BAZ2A: variants seen among roughly 807,000 people sequenced by gnomAD.
The protein encoded by BAZ2A is bromodomain adjacent to zinc finger domain 2A.
A neutral mutation model predicts 199.9 loss-of-function variants in BAZ2A; 34 were observed. The ratio of observed to expected loss-of-function variants is 0.17; its 90% CI spans 0.13 to 0.23. BAZ2A has a LOEUF of 0.23. Among genes scored for constraint, BAZ2A ranks in the 10% least tolerant of loss-of-function variants. The pLI, the probability that BAZ2A is intolerant of heterozygous loss-of-function variation, is 1.00. For synonymous variants in BAZ2A, 857 were observed against 883.9 expected (o/e 0.97, Z 0.54); for missense variants, 2,002 against 2,391.1 (o/e 0.84, Z 3.39).
In BAZ2A at chr12:56,599,363, G is replaced by A. The variant is rs1275471001; in HGVS notation, c.5173-5C>T. 1 of 1,610,612 alleles carries A rather than the reference G, an allele frequency of 6.2e-7. No homozygotes were observed. The highest frequency in any genetic ancestry group is 1.1e-5 in the South Asian group (1 of 90,526). On this transcript the variant is annotated splice_region_variant and splice_polypyrimidine_tract_variant and intron_variant, in intron 26 of 28. Coordinates refer to ENST00000549884, the MANE Select transcript of BAZ2A (RefSeq NM_001300905.2). ...AGTGAATTCTCCCTCCACCTGCTTA[G>A]TATAGGAAACAGGTGAGATTAGCAA...
intron 2 of BAZ2A, among the ~76,000 whole-genome samples, chr12:56,615,945 C>T (rs530895905): frequency 2.6e-5 from 4 of 152,160 alleles, no homozygotes; most frequent in Non-Finnish European, 5.9e-5. Flanking sequence ...CGCTATGTCA[C>T]CAGGCTGGAG....
In BAZ2A at chr12:56,599,273, T is replaced by C. The variant is rs1886164073; in HGVS notation, c.5258A>G (p.Glu1753Gly). 1 of 1,613,414 alleles carries C rather than the reference T, an allele frequency of 6.2e-7. No individual in the cohort carries two copies. The highest frequency in any genetic ancestry group is 1.1e-5 in the South Asian group (1 of 90,992). ...TACCCGGCGTCGGCGGCCATCACCC[T>C]CTGAGAAGTTCAGCGAATAACCACT... ...RKSGYSLNFS[E>G]GDGRRRRVLL... Residue 1753 changes from glutamate (E) to glycine (G), a missense_variant, in exon 27 of 29, where the codon GAG (glutamate) becomes GGG (glycine). By Grantham distance (98) the Glu-to-Gly change is moderately conservative. This residue lies in a region of BAZ2A where 122 missense variants were observed against 123.0 expected (regional missense o/e 0.99). Transcript: ENST00000549884.
chr12:56,625,526 G>C (rs1489428697), intron 1 of BAZ2A, among the ~76,000 whole-genome samples: 1 of 152,026 alleles, frequency 6.6e-6, no homozygotes, highest in African/African-American at 2.4e-5. Context: ...GGCAGGTTAA[G>C]GACCCCATTC....
At chr12:56,636,226 T>C (rs1457605823) in exon 1 of BAZ2A, 2 of 1,584,974 alleles carry the variant, frequency 1.3e-6, no homozygotes, top group East Asian at 2.3e-5. Context: ...ACCCAGCTCC[T>C]CACTGTCCTT....
chr12:56,603,661 T>C lies in BAZ2A; in HGVS notation c.3078A>G (p.Glu1026=). ...ATTCCTCTGGCCCTTCCATCTCTACTTCAGACCGCCCAGTTCGCTTGGCCA... is the reference window on the plus strand; with the variant it reads ...ATTCCTCTGGCCCTTCCATCTCTACCTCAGACCGCCCAGTTCGCTTGGCCA... ...TVLAKRTGRS[E]VEMEGPEECL... The change falls in exon 17 of 29, where the codon GAA becomes GAG. Residue 1026 remains glutamate (E), a synonymous_variant. Transcript: ENST00000549884. 1 of 1,613,994 alleles carries C rather than the reference T, an allele frequency of 6.2e-7. No individual in the cohort carries two copies. Among genetic ancestry groups the C allele is most frequent in the Admixed American group, 1.7e-5 (1 of 60,028 alleles).
Position 56,600,115 on chromosome 12 carries a change from G to T in BAZ2A, c.4893-19C>A. ...ATATGATCTGGAGGGAGAAAGTGGTGATCTTTGGAGAAGGAGCGGATCCAC... is the reference window on the plus strand; with the variant it reads ...ATATGATCTGGAGGGAGAAAGTGGTTATCTTTGGAGAAGGAGCGGATCCAC... On this transcript the variant is annotated intron_variant, in intron 24 of 28. Transcript: ENST00000549884. 1 of 1,613,620 alleles carries T rather than the reference G, an allele frequency of 6.2e-7. No individual in the cohort carries two copies. Among genetic ancestry groups the T allele is most frequent in the Non-Finnish European group, 8.5e-7 (1 of 1,179,522 alleles).
At position 56,604,767 on chromosome 12, in the gene BAZ2A, C is replaced by A; in HGVS notation, c.2781G>T (p.Glu927Asp). Reference sequence around the variant, plus strand: ...ACACATTGTCTCTTGTCAGTGGGATCTCAGACACCTTCTCCCCCAAGATCT... The same window carrying A: ...ACACATTGTCTCTTGTCAGTGGGATATCAGACACCTTCTCCCCCAAGATCT... Reference protein sequence around the residue: ...SLKILGEKVSEIPLTRDNVSE... With the variant: ...SLKILGEKVSDIPLTRDNVSE... Residue 927 changes from glutamate to aspartate, a missense_variant, in exon 15 of 29, where the codon GAG (glutamate) becomes GAT (aspartate). Transcript: ENST00000549884. The A allele has an allele frequency of 6.2e-7, 1 of 1,613,842 alleles. No homozygotes were observed. Among genetic ancestry groups the A allele is most frequent in the South Asian group, 1.1e-5 (1 of 91,002 alleles).
chr12:56,614,603 C>T (rs1218323525), intron 3 of BAZ2A, among the ~76,000 whole-genome samples: 1 of 152,200 alleles, frequency 6.6e-6, no homozygotes, highest in Non-Finnish European at 1.5e-5. Context: ...CCCTCCTTCG[C>T]ATGCCAATCA....
At position 56,614,051 on chromosome 12, in the gene BAZ2A, A is replaced by G; in HGVS notation, c.818T>C (p.Val273Ala). ...ATGTGAAGGATCATCTAAACAGCTC[A>G]CTGTGGGGTCAGGGACCAGGACTGA... Reference protein sequence around the residue: ...EVSVLVPDPTVSCLDDPSHLP... With the variant: ...EVSVLVPDPTASCLDDPSHLP... The change falls in exon 4 of 29, where the codon GTG becomes GCG. Residue 273 changes from valine (V) to alanine (A), a missense_variant. Val to Ala is a moderately conservative substitution (Grantham distance 64). Coordinates refer to ENST00000549884, the MANE Select transcript of BAZ2A (RefSeq NM_001300905.2). 6.2e-7 allele frequency: 1 copy of G among 1,613,474 alleles called. No homozygotes were observed. The highest frequency in any genetic ancestry group is 1.1e-5 in the South Asian group (1 of 91,068).
chr12:56,598,838 A>T (rs1886099529), intron 28 of BAZ2A, 30 bp downstream of exon 28: 1 of 1,608,050 alleles, frequency 6.2e-7, no homozygotes, highest in Admixed American at 1.7e-5. Context: ...GCAGTAGCAA[A>T]GACCGGGCGG....
intron 10 of BAZ2A, among the ~76,000 whole-genome samples, chr12:56,607,652 T>G (rs1187774606): frequency 6.6e-6 from 1 of 152,234 alleles, no homozygotes; most frequent in Non-Finnish European, 1.5e-5. Context: ...ATTACAGCCG[T>G]GAGCCACCGT....
At chr12:56,632,520 C>G (rs1245576561), upstream of BAZ2A, among the ~76,000 whole-genome samples, 1 of 152,180 alleles carries the variant, frequency 6.6e-6, no homozygotes, top group East Asian at 1.9e-4. Flanking sequence ...TGGCTCCACT[C>G]TGCTCCGGAA....
intron 2 of BAZ2A, among the ~76,000 whole-genome samples, chr12:56,616,844 TC>T (rs1950739220): frequency 6.6e-6 from 1 of 152,000 alleles, no homozygotes; most frequent in Admixed American, 6.6e-5. Context: ...GTAAGCCAAA[TC>T]CAGGAAAAGA....
upstream of BAZ2A, among the ~76,000 whole-genome samples, chr12:56,631,018 T>C (rs1048959618): frequency 2.6e-5 from 4 of 152,174 alleles, no homozygotes; most frequent in African/African-American, 9.7e-5. Context: ...CTGGGAATTT[T>C]TTTCTGACAG....
At chr12:56,608,918 A>G (rs1950464811) in intron 10 of BAZ2A, among the ~76,000 whole-genome samples, 1 of 132,650 alleles carries the variant, frequency 7.5e-6, no homozygotes, top group Admixed American at 7.7e-5. Context: ...TCTATCACCA[A>G]GCTGGAGTGC....
Position 56,614,001 on chromosome 12 carries a change from G to C in BAZ2A, c.868C>G (p.Pro290Ala), listed in dbSNP as rs1232130766. ...SHLPDQLEDT[P>A]ILSEDSLEPF... ...TCCAGAGAGTCTTCACTGAGGATTG[G>C]AGTGTCTTCCAGTTGATCAGGAAGA... Residue 290 changes from proline to alanine, a missense_variant, in exon 4 of 29, where the codon CCA becomes GCA. Around this residue, in one of 6 missense-constraint regions of BAZ2A, gnomAD observed 641 missense variants for 694.5 expected, o/e 0.92. Coordinates refer to ENST00000549884, the MANE Select transcript of BAZ2A (RefSeq NM_001300905.2). 1 of 1,613,976 alleles carries C rather than the reference G, an allele frequency of 6.2e-7. No homozygotes were observed. The highest frequency in any genetic ancestry group is 2.2e-5 in the East Asian group (1 of 44,882).
intron 8 of BAZ2A, 97 bp from the exon 9 acceptor site, chr12:56,610,312 C>A (rs537676885): frequency 1.3e-6 from 2 of 1,568,700 alleles, no homozygotes; most frequent in East Asian, 2.2e-5. Flanking sequence ...GCAGACAATG[C>A]CAGCCTGTTG....
At chr12:56,610,271 C>T (rs757323917) in intron 8 of BAZ2A, 56 bp from the exon 9 acceptor site, 28 of 1,594,490 alleles carry the variant, frequency 1.8e-5, no homozygotes, top group Admixed American at 5.0e-5. Flanking sequence ...ATGTCTTTGG[C>T]CAGCAAAGGC....
In BAZ2A at chr12:56,600,484, T is replaced by C. The variant is rs759596568; in HGVS notation, c.4609A>G (p.Thr1537Ala). Residue 1537 changes from threonine to alanine, a missense_variant, in exon 24 of 29, where the codon ACA becomes GCA. By Grantham distance (58) the Thr-to-Ala change is moderately conservative. Around this residue, in one of 6 missense-constraint regions of BAZ2A, gnomAD observed 1,081 missense variants for 1,274.7 expected, o/e 0.85. Coordinates refer to ENST00000549884, the MANE Select transcript of BAZ2A (RefSeq NM_001300905.2). ...CGGGTAGAGTCTGGGCTAGGACATGTCCAGCCCTTCAGTTAAGAGAGAGGA... is the reference window on the plus strand; with the variant it reads ...CGGGTAGAGTCTGGGCTAGGACATGCCCAGCCCTTCAGTTAAGAGAGAGGA... ...IMSDLQIRGW[T>A]CPSPDSTRED... is the part of the protein sequence containing the mutation. 1.2e-6 allele frequency: 2 copies of C among 1,612,066 alleles called. No homozygotes were observed. Among genetic ancestry groups the C allele is most frequent in the Non-Finnish European group, 1.7e-6 (2 of 1,179,158 alleles).
Sources: gnomAD v4.1 joint callset for allele counts (sites outside exome capture counted in the v4.1 genomes callset) on GRCh38, gnomAD v4.1.1 for gene constraint, gnomAD v4.1.1 regional missense constraint, MANE v1.5 for transcripts, NCBI Gene and HGNC (gene_info 2026-07-23, HGNC 2026-07-21) for gene names.